Variants in CLVS1 observed in about 807,000 individuals in gnomAD.
CLVS1 encodes the protein clavesin-1.
A neutral mutation model predicts 33.1 loss-of-function variants in CLVS1; 10 were observed. The ratio of observed to expected loss-of-function variants is 0.30; its 90% CI spans 0.19 to 0.51. CLVS1 has a LOEUF of 0.51. Ranked by LOEUF, CLVS1 falls within the 20% of genes least tolerant of loss-of-function variation. CLVS1 has a pLI of 0.97. For synonymous variants in CLVS1, 163 were observed against 166.1 expected (o/e 0.98, Z 0.14); for missense variants, 343 against 433.4 (o/e 0.79, Z 1.85).
chr8:61,157,923 G>A (rs981501139), intron 2 of CLVS1, among the ~76,000 whole-genome samples: 3 of 151,912 alleles, frequency 2.0e-5, no homozygotes, highest in Non-Finnish European at 4.4e-5. Flanking sequence ...AGTGTAAAAT[G>A]GTATACCATG....
At chr8:61,164,601 G>A (rs1371022986) in intron 2 of CLVS1, among the ~76,000 whole-genome samples, 3 of 151,898 alleles carry the variant, frequency 2.0e-5, no homozygotes, top group Non-Finnish European at 2.9e-5. Context: ...AGTCCCCCCC[G>A]CCCAGGCTAC....
intron 2 of CLVS1, among the ~76,000 whole-genome samples, chr8:61,317,567 T>C (rs985362562): frequency 6.6e-6 from 1 of 152,210 alleles, no homozygotes; most frequent in African/African-American, 2.4e-5. Flanking sequence ...GTTCCATCTC[T>C]ATTTCCACCA....
intron 1 of CLVS1, among the ~76,000 whole-genome samples, chr8:61,068,474 C>A (rs2129279634): frequency 6.6e-6 from 1 of 151,946 alleles, no homozygotes; most frequent in Non-Finnish European, 1.5e-5. Flanking sequence ...CTCAAGCTTG[C>A]AGGGTGTTCA....
intron 1 of CLVS1, among the ~76,000 whole-genome samples, chr8:61,080,514 TA>T (rs1279042655): frequency 2.0e-5 from 3 of 152,256 alleles, no homozygotes; most frequent in African/African-American, 7.2e-5. Context: ...GGGATTCATT[TA>T]TTTCCTTTGT....
chr8:61,488,832 C>T (rs190868068), intron 5 of CLVS1, among the ~76,000 whole-genome samples: 7 of 152,286 alleles, frequency 4.6e-5, no homozygotes, highest in South Asian at 2.1e-4. Context: ...CCAGTTTCCA[C>T]GGTGGCCTTC....
intron 3 of CLVS1, among the ~76,000 whole-genome samples, chr8:61,453,007 A>G (rs990409791): frequency 6.6e-6 from 1 of 152,102 alleles, no homozygotes; most frequent in Non-Finnish European, 1.5e-5. Flanking sequence ...GGCATCTCAT[A>G]TACCCGCAGG....
intron 1 of CLVS1, among the ~76,000 whole-genome samples, chr8:61,077,219 G>A (rs1027896236): frequency 6.6e-6 from 1 of 151,312 alleles, no homozygotes; most frequent in Admixed American, 6.6e-5. Flanking sequence ...GACTACAGGC[G>A]CCTGCCACCA....
intron 3 of CLVS1, among the ~76,000 whole-genome samples, chr8:61,388,163 TAA>T (rs1814161232): frequency 6.6e-6 from 1 of 151,888 alleles, no homozygotes; most frequent in Admixed American, 6.6e-5. Context: ...GAAAAAATAG[TAA>T]CTGTGACCCA....
chr8:61,446,008 C>A (rs1253777594), intron 3 of CLVS1, among the ~76,000 whole-genome samples: 1 of 152,118 alleles, frequency 6.6e-6, no homozygotes, highest in African/African-American at 2.4e-5. Context: ...GTAGTATGCC[C>A]TATTTCATTC....
chr8:61,186,401 G>A (rs2129301718), intron 2 of CLVS1, among the ~76,000 whole-genome samples: 1 of 152,286 alleles, frequency 6.6e-6, no homozygotes, highest in Non-Finnish European at 1.5e-5. Context: ...TTCCTTCTCT[G>A]CATACCTGAA....
intron 1 of CLVS1, among the ~76,000 whole-genome samples, chr8:61,131,325 C>T (rs1806095371): frequency 1.3e-5 from 2 of 152,106 alleles, no homozygotes; most frequent in East Asian, 1.9e-4. Context: ...GATGAAGGTG[C>T]GAATTATGCA....
Position 61,294,325 on chromosome 8 carries a change from C to T in CLVS1, c.-151-5352C>T, listed in dbSNP as rs568231548. ...CTTTTCATCTAATAGTAATAACCTA[C>T]CTTTAAGGATTGCTGTGGAAATTAG... is the stretch of plus-strand genomic sequence containing the variant. On this transcript the variant is annotated intron_variant, in intron 1 of 5. Transcript: ENST00000325897. Among the ~76,000 whole-genome samples the T allele has an allele frequency of 6.2e-4, 94 of 152,200 alleles. No individual in the cohort carries two copies. In the Middle Eastern group the frequency reaches 0.014, roughly 22 times the overall value.
intron 2 of CLVS1, among the ~76,000 whole-genome samples, chr8:61,230,589 A>G (rs115714851): frequency 1.2e-3 from 186 of 152,302 alleles, no homozygotes; most frequent in African/African-American, 4.1e-3. Flanking sequence ...TAAGGCAAAT[A>G]TTGCTTTTAT....
chr8:61,267,056 C>T (rs75074812), intron 2 of CLVS1, among the ~76,000 whole-genome samples: 9,847 of 152,210 alleles, frequency 0.065, 445 homozygotes, highest in Non-Finnish European at 0.097. Context: ...AGAATGGGTG[C>T]CTGATGGTAG....
intron 2 of CLVS1, among the ~76,000 whole-genome samples, chr8:61,216,084 G>A (rs913111965): frequency 6.6e-6 from 1 of 152,190 alleles, no homozygotes; most frequent in Non-Finnish European, 1.5e-5. Context: ...TCCTCTCCTA[G>A]ACTGCCTTGG....
intron 5 of CLVS1, among the ~76,000 whole-genome samples, chr8:61,495,710 T>C (rs1451173244): frequency 3.9e-5 from 6 of 152,198 alleles, no homozygotes; most frequent in Non-Finnish European, 7.3e-5. Flanking sequence ...TTGGTTGTGT[T>C]GTATCAGTGC....
the CLVS1 span, among the ~76,000 whole-genome samples, chr8:61,038,593 C>T: frequency 4.6e-5 from 7 of 151,966 alleles, no homozygotes; most frequent in Non-Finnish European, 1.0e-4. Flanking sequence ...GGAAAAGATT[C>T]TGGATTTCCA....
At chr8:61,121,985 A>C (rs1805880702) in intron 1 of CLVS1, among the ~76,000 whole-genome samples, 1 of 152,266 alleles carries the variant, frequency 6.6e-6, no homozygotes, top group African/African-American at 2.4e-5. Flanking sequence ...GAGGTAAAGA[A>C]TTAGAATCCA....
chr8:61,427,938 C>T (rs1815955358), intron 3 of CLVS1, among the ~76,000 whole-genome samples: 2 of 152,184 alleles, frequency 1.3e-5, no homozygotes, highest in South Asian at 4.1e-4. Context: ...TTCCTCCGCC[C>T]CTGGCACACA....
Sources: gnomAD v4.1 joint callset for allele counts (sites outside exome capture counted in the v4.1 genomes callset) on GRCh38, gnomAD v4.1.1 for gene constraint, MANE v1.5 for transcripts, NCBI Gene and HGNC (gene_info 2026-07-23, HGNC 2026-07-21) for gene names.